OTULIN: variants seen among roughly 807,000 people sequenced by gnomAD.
OTULIN encodes OTU deubiquitinase with linear linkage specificity.
In OTULIN, 15 loss-of-function variants were observed where a neutral mutation model predicts 39.6. The ratio of observed to expected loss-of-function variants is 0.38; its 90% CI spans 0.25 to 0.58. The LOEUF (loss-of-function observed/expected upper bound fraction) is 0.58, where lower values mean the gene tolerates loss of function less well. OTULIN is among the 20% of genes least tolerant of loss of function. The pLI, the probability that OTULIN is intolerant of heterozygous loss-of-function variation, is 0.66. For synonymous variants in OTULIN, 156 were observed against 170.3 expected (o/e 0.92, Z 0.65); for missense variants, 319 against 445.9 (o/e 0.72, Z 2.56).
At chr5:14,702,645 G>A (rs1389137579), downstream of OTULIN, among the ~76,000 whole-genome samples, 1 of 152,172 alleles carries the variant, frequency 6.6e-6, no homozygotes, top group Non-Finnish European at 1.5e-5. Context: ...TGAATTGCAA[G>A]CAGCTGCCCT....
At chr5:14,678,624 A>G (rs1650633649) in intron 2 of OTULIN, 57 bp from the exon 3 acceptor site, 2 of 1,247,766 alleles carry the variant, frequency 1.6e-6, no homozygotes, top group African/African-American at 1.6e-5. Context: ...CTGAAGCAGT[A>G]TTCTGATTAT....
At position 14,699,452 on chromosome 5, in the gene OTULIN, TC is replaced by T. The variant is rs1482400980; in HGVS notation, c.*6408del. 1 of 152,210 alleles carries T rather than the reference TC, an allele frequency of 6.6e-6. No individual in the cohort carries two copies. Among genetic ancestry groups the T allele is most frequent in the Non-Finnish European group, 1.5e-5 (1 of 68,036 alleles). The allele number at this position is 152,210 out of a possible 1,614,324, so 9.4% of individuals were successfully genotyped here. On this transcript the variant is annotated 3_prime_UTR_variant, in exon 7 of 7. Transcript: ENST00000284274. ...GTCGGTCATGTGCAGCAGAAAGACC[TC>T]CCCACTGTGAACAACAAACCACTTT...
At chr5:14,692,214 C>T (rs1490843946) in intron 6 of OTULIN, among the ~76,000 whole-genome samples, 1 of 152,222 alleles carries the variant, frequency 6.6e-6, no homozygotes, top group Non-Finnish European at 1.5e-5. Context: ...TCCTGTTTCA[C>T]CATATCTTCA....
chr5:14,705,841 TTTCA>T, the OTULIN span: 1 of 152,364 alleles, frequency 6.6e-6, no homozygotes, highest in Non-Finnish European at 1.5e-5. Context: ...TCAGTAGCTG[TTTCA>T]TTCAAACCGT....
At chr5:14,667,968 G>C (rs574425971) in intron 1 of OTULIN, among the ~76,000 whole-genome samples, 1 of 152,280 alleles carries the variant, frequency 6.6e-6, no homozygotes, top group Non-Finnish European at 1.5e-5. Context: ...TGCTGGCTAG[G>C]CCAGAAATGC....
chr5:14,714,496 C>T, the OTULIN span, among the ~76,000 whole-genome samples: 1 of 152,120 alleles, frequency 6.6e-6, no homozygotes, highest in Admixed American at 6.5e-5. Flanking sequence ...GGCAAGGGCT[C>T]TTGGAGGAGG....
At chr5:14,672,363 C>T (rs756978010) in intron 1 of OTULIN, among the ~76,000 whole-genome samples, 17 of 152,126 alleles carry the variant, frequency 1.1e-4, no homozygotes, top group Middle Eastern at 3.2e-3. Flanking sequence ...CTCAGTCTGG[C>T]CCTCCCAGTA....
At chr5:14,710,995 A>C in the OTULIN span, 5 of 603,516 alleles carry the variant, frequency 8.3e-6, no homozygotes. Flanking sequence ...TAGCAACAGT[A>C]AAGACCATTC....
At chr5:14,688,046 C>G (rs1736429339) in intron 5 of OTULIN, 1 of 152,822 alleles carries the variant, frequency 6.5e-6, no homozygotes, top group Non-Finnish European at 1.5e-5. Flanking sequence ...ATTTATCAGA[C>G]TTATTTTCTT....
chr5:14,679,206 C>G (rs1736183355), intron 3 of OTULIN, among the ~76,000 whole-genome samples: 1 of 152,138 alleles, frequency 6.6e-6, no homozygotes, highest in Non-Finnish European at 1.5e-5. Flanking sequence ...CCTTCTTGGA[C>G]TCCCTACACA....
chr5:14,690,479 G>A lies in OTULIN; in HGVS notation c.864+171G>A, dbSNP rs1243753189. Among the ~76,000 whole-genome samples, 1 of 152,174 alleles carries A rather than the reference G, an allele frequency of 6.6e-6. No individual in the cohort carries two copies. The highest frequency in any genetic ancestry group is 1.5e-5 in the Non-Finnish European group (1 of 68,026). ...TGTTCAGGGCTGCAGTCATCTGAAGGCTTGACTGGGGCTGGAAGATCTACT... is the reference window on the plus strand; with the variant it reads ...TGTTCAGGGCTGCAGTCATCTGAAGACTTGACTGGGGCTGGAAGATCTACT... On this transcript the variant is annotated intron_variant, in intron 6 of 6. Coordinates refer to ENST00000284274, the MANE Select transcript of OTULIN (RefSeq NM_138348.6). This position sits in a 1 kb window ranked among gnomAD's most constrained non-coding sequence, Gnocchi z 4.5.
chr5:14,681,668 T>G, intron 4 of OTULIN, 61 bp downstream of exon 4: 5 of 1,525,614 alleles, frequency 3.3e-6, no homozygotes, highest in Non-Finnish European at 4.4e-6. Context: ...GAGAAAACTT[T>G]CCCTTTCTGT....
At chr5:14,671,685 C>T (rs1238076634) in intron 1 of OTULIN, among the ~76,000 whole-genome samples, 4 of 152,118 alleles carry the variant, frequency 2.6e-5, no homozygotes, top group Admixed American at 1.3e-4. Context: ...GAAGCAAAAG[C>T]ACATGGAAAG....
In OTULIN at chr5:14,681,500, C is replaced by T; in HGVS notation, c.361C>T (p.Arg121Trp). 6.2e-7 allele frequency: 1 copy of T among 1,613,690 alleles called. No individual in the cohort carries two copies. Among genetic ancestry groups the T allele is most frequent in the Non-Finnish European group, 8.5e-7 (1 of 1,179,894 alleles). ...EEVSQKFTSIRRVRGDNYCAL... is the reference protein window; with the variant it reads ...EEVSQKFTSIWRVRGDNYCAL... ...GGTTTCTCAGAAGTTCACCTCCATA[C>T]GGCGAGTCCGTGGTGATAATTACTG... The change falls in exon 4 of 7, where the codon CGG becomes TGG. Residue 121 changes from arginine to tryptophan, a missense_variant. By Grantham distance (101) the Arg-to-Trp change is moderately radical. Transcript: ENST00000284274.
the OTULIN span, among the ~76,000 whole-genome samples, chr5:14,712,238 G>C: frequency 6.6e-6 from 1 of 152,234 alleles, no homozygotes; most frequent in African/African-American, 2.4e-5. Context: ...CAGGCTCTCT[G>C]AGTGGCCTGG....
intron 2 of OTULIN, among the ~76,000 whole-genome samples, chr5:14,678,371 C>T (rs909241443): frequency 1.3e-5 from 2 of 152,118 alleles, no homozygotes; most frequent in African/African-American, 2.4e-5. Flanking sequence ...GGCAGGAGCC[C>T]CTGGAGCTCT....
At chr5:14,691,616 T>C (rs1736529986) in intron 6 of OTULIN, among the ~76,000 whole-genome samples, 1 of 151,634 alleles carries the variant, frequency 6.6e-6, no homozygotes, top group African/African-American at 2.4e-5. Flanking sequence ...TTTTTTTCAA[T>C]AAGAAATTTT....
In OTULIN at chr5:14,697,693, T is replaced by C. The variant is rs1445410978; in HGVS notation, c.*4645T>C. ...TTTAAGCATTGTGAATGCTTTTTAA[T>C]AGCATTCATTAGCATTAATGGAGGA... is the stretch of plus-strand genomic sequence containing the variant. On this transcript the variant is annotated 3_prime_UTR_variant, in exon 7 of 7. Coordinates refer to ENST00000284274, the MANE Select transcript of OTULIN (RefSeq NM_138348.6). 6.6e-6 allele frequency: 1 copy of C among 152,224 alleles called. No individual in the cohort carries two copies. Among genetic ancestry groups the C allele is most frequent in the Admixed American group, 6.5e-5 (1 of 15,288 alleles). 9.4% of individuals were successfully genotyped at this position (152,224 alleles called of 1,614,324 possible).
rs1194184247 is a variant in OTULIN, at chr5:14,664,924, G to C, written c.99G>C (p.Gly33=). The change falls in exon 1 of 7, where the codon GGG becomes GGC. Residue 33 remains glycine, a synonymous_variant. Transcript: ENST00000284274. ...REAAATARDG[G]KAAASGQPRP... is the part of the protein sequence containing the mutation. ...CGGCGGCCACGGCGCGGGACGGCGG[G>C]AAGGCGGCGGCCAGCGGGCAGCCGC... 2.6e-6 allele frequency: 3 copies of C among 1,171,502 alleles called. No homozygotes were observed. Among genetic ancestry groups the C allele is most frequent in the Admixed American group, 4.6e-5 (1 of 21,530 alleles). 72.6% of individuals were successfully genotyped at this position (1,171,502 alleles called of 1,614,324 possible). A position where few individuals can be genotyped will look rare whatever the true frequency, so the allele number is the denominator to read the frequency against.
Sources: gnomAD v4.1 joint callset for allele counts (sites outside exome capture counted in the v4.1 genomes callset) on GRCh38, gnomAD v4.1.1 for gene constraint, Gnocchi (gnomAD v3.1) non-coding constraint, MANE v1.5 for transcripts, NCBI Gene and HGNC (gene_info 2026-07-23, HGNC 2026-07-21) for gene names.